JAK1: variants seen among roughly 807,000 people sequenced by gnomAD.
JAK1 encodes the protein Janus kinase 1.
Under a neutral mutation model 136.6 loss-of-function variants are expected in JAK1, and 16 were observed. The observed-to-expected ratio is 0.12, with a 90% CI of 0.08 to 0.18. JAK1 has a LOEUF of 0.18. Ranked by LOEUF, JAK1 falls within the 10% of genes least tolerant of loss-of-function variation. The pLI is 1.00. For missense variants in JAK1, 859 were observed against 1,450.1 expected, an observed-to-expected ratio of 0.59 and a Z score of 6.62; for synonymous variants, 492 against 519.5, an observed-to-expected ratio of 0.95 and a Z score of 0.72.
At chr1:64,879,668 A>G (rs996741501) in intron 3 of JAK1, among the ~76,000 whole-genome samples, 13 of 152,226 alleles carry the variant, frequency 8.5e-5, no homozygotes, top group African/African-American at 2.9e-4. Context: ...AATAATAACC[A>G]AAGTGATTTT....
chr1:64,946,219 C>G (rs1205314213), intron 1 of JAK1, among the ~76,000 whole-genome samples: 2 of 152,252 alleles, frequency 1.3e-5, no homozygotes, highest in African/African-American at 2.4e-5. Context: ...GATCCTCACA[C>G]AGTGGTCGTC....
At position 64,846,748 on chromosome 1, in the gene JAK1, C is replaced by A. The variant is rs763056618; in HGVS notation, c.1900-12G>T. 6.2e-7 allele frequency: 1 copy of A among 1,610,304 alleles called. No homozygotes were observed. ...GCCTCGAAGAAGGCCTGTGGGCGAG[C>A]AGGACATAGGAATGTCTCAGGCCAG... On this transcript the variant is annotated splice_polypyrimidine_tract_variant and intron_variant, in intron 13 of 24. Coordinates refer to ENST00000342505, the MANE Select transcript of JAK1 (RefSeq NM_002227.4).
intron 1 of JAK1, among the ~76,000 whole-genome samples, chr1:64,945,675 AAAC>A (rs147380749): frequency 0.25 from 38,171 of 151,892 alleles, 6,246 homozygotes; most frequent in East Asian, 0.53. Context: ...GTTGACGGAC[AAAC>A]AAAAATGGGA....
chr1:65,056,664 C>T (rs1647554166), intron 1 of JAK1, among the ~76,000 whole-genome samples: 1 of 152,150 alleles, frequency 6.6e-6, no homozygotes, highest in African/African-American at 2.4e-5. Flanking sequence ...GGCTCAATGC[C>T]TGTAATCTCA....
At chr1:65,044,666 G>C (rs1268791793) in intron 1 of JAK1, among the ~76,000 whole-genome samples, 1 of 152,202 alleles carries the variant, frequency 6.6e-6, no homozygotes, top group East Asian at 1.9e-4. Context: ...TGTTGTTTTT[G>C]CTGAGCTGGT....
intron 2 of JAK1, among the ~76,000 whole-genome samples, chr1:64,977,098 A>G (rs1453024684): frequency 6.6e-6 from 1 of 152,138 alleles, no homozygotes; most frequent in Non-Finnish European, 1.5e-5. Context: ...ATAGAAACTT[A>G]TAACATGTAC....
rs576885516 is a variant in JAK1, at chr1:65,008,782, G to A, written c.-78+35698C>T. Among the ~76,000 whole-genome samples, 44 of 152,180 alleles carry A rather than the reference G, an allele frequency of 2.9e-4. 1 individual carries two copies. The East Asian group carries it at 8.5e-3, about 29-fold the overall frequency. ...AGCTCATTGCAGCCTCAACCTGCCT[G>A]GGCTCAAGTAATCCTCCCAACTCAG... On this transcript the variant is annotated intron_variant, in intron 2 of 25. Coordinates refer to the JAK1 transcript ENST00000671954.
intron 9 of JAK1, 86 bp downstream of exon 9, chr1:64,860,019 C>A: frequency 8.4e-7 from 1 of 1,187,794 alleles, no homozygotes; most frequent in Non-Finnish European, 1.1e-6. Context: ...GTCAACTGGC[C>A]TGACCTAAAC....
chr1:64,860,094 C>G lies in JAK1; in HGVS notation c.1334+11G>C, dbSNP rs2101071600. The G allele has an allele frequency of 6.4e-7, 1 of 1,558,384 alleles. No individual in the cohort carries two copies. Among genetic ancestry groups the G allele is most frequent in the South Asian group, 1.2e-5 (1 of 82,638 alleles). Reference sequence around the variant, plus strand: ...CACACCAAAGGCAACTGATAAGGTTCTAGGACCAACCAGATTGGACCATGA... The same window carrying G: ...CACACCAAAGGCAACTGATAAGGTTGTAGGACCAACCAGATTGGACCATGA... On this transcript the variant is annotated intron_variant, in intron 9 of 24. Coordinates refer to ENST00000342505, the MANE Select transcript of JAK1 (RefSeq NM_002227.4).
chr1:64,835,374 C>T (rs773416298), intron 24 of JAK1, 22 bp downstream of exon 24: 3 of 1,284,880 alleles, frequency 2.3e-6, no homozygotes, highest in East Asian at 4.7e-5. Flanking sequence ...AGTGTTATTA[C>T]TGTGACGTGG....
chr1:64,926,415 C>A (rs1041954025), intron 1 of JAK1, among the ~76,000 whole-genome samples: 2 of 143,838 alleles, frequency 1.4e-5, no homozygotes, highest in Admixed American at 7.0e-5. Context: ...AACAAACTGA[C>A]CCACTTCAGA....
rs3915922 is a variant in JAK1, at chr1:64,902,879, G to C, written c.-77-16538C>G. ...CAATTGCCAGCTTCCTTTGCGGCAA[G>C]ATATGACCATGTGAGTAAGTTTGGC... On this transcript the variant is annotated intron_variant, in intron 1 of 24. Coordinates refer to ENST00000342505, the MANE Select transcript of JAK1 (RefSeq NM_002227.4). 3.3e-5 allele frequency among the ~76,000 whole-genome samples: 5 copies of C among 152,064 alleles called. No homozygotes were observed. In the South Asian group the frequency reaches 1.0e-3, roughly 32 times the overall value.
chr1:65,054,888 G>A (rs910021029), intron 1 of JAK1, among the ~76,000 whole-genome samples: 1 of 152,156 alleles, frequency 6.6e-6, no homozygotes, highest in Non-Finnish European at 1.5e-5. Context: ...TAAAGACATG[G>A]CAATTACATT....
intron 1 of JAK1, among the ~76,000 whole-genome samples, chr1:65,050,964 G>A (rs967399456): frequency 3.9e-5 from 6 of 152,170 alleles, no homozygotes; most frequent in Middle Eastern, 3.2e-3. Flanking sequence ...TGAAATGAGT[G>A]CTTTGGTACA....
intron 1 of JAK1, among the ~76,000 whole-genome samples, chr1:64,889,692 T>G (rs765934045): frequency 6.6e-6 from 1 of 152,194 alleles, no homozygotes; most frequent in African/African-American, 2.4e-5. Context: ...TTTTCCAAGA[T>G]GCAAAATTCC....
In JAK1 at chr1:64,841,252, A is replaced by G; in HGVS notation, c.2642T>C (p.Leu881Ser). ...EKRFLKRIRD[L>S]GEGHFGKVEL... The stretch of plus-strand genomic sequence containing the variant: ...AGCACGGGTGTAACTTACCTCTCCC[A>G]AGTCACGGATCCTCTTTAGGAAGCG... The change falls in exon 19 of 25, where the codon TTG becomes TCG. Residue 881 changes from leucine (L) to serine (S), a missense_variant. Around this residue, in one of 4 missense-constraint regions of JAK1, gnomAD observed 409 missense variants for 753.8 expected, o/e 0.54. Coordinates refer to ENST00000342505, the MANE Select transcript of JAK1 (RefSeq NM_002227.4). 2 of 1,613,336 alleles carry G rather than the reference A, an allele frequency of 1.2e-6. No homozygotes were observed. Among genetic ancestry groups the G allele is most frequent in the Non-Finnish European group, 1.7e-6 (2 of 1,179,264 alleles).
intron 6 of JAK1, among the ~76,000 whole-genome samples, chr1:64,868,613 G>T (rs185153262): frequency 6.6e-6 from 1 of 152,110 alleles, no homozygotes; most frequent in Non-Finnish European, 1.5e-5. Flanking sequence ...CTGGTCAAGC[G>T]CAAGGAGAAA....
rs375514898 is a variant in JAK1, at chr1:64,994,786, A to G, written c.-78+49694T>C. 5.3e-5 allele frequency among the ~76,000 whole-genome samples: 8 copies of G among 152,152 alleles called. No individual in the cohort carries two copies. The East Asian group carries it at 1.5e-3, about 29-fold the overall frequency. ...ACTGGATTTGTCATTAAAAGATTGA[A>G]GTTCTAGCCTTGGTTCTCATATGGG... is the stretch of plus-strand genomic sequence containing the variant. On this transcript the variant is annotated intron_variant, in intron 2 of 25. Transcript: ENST00000671954.
intron 1 of JAK1, among the ~76,000 whole-genome samples, chr1:65,053,761 C>T (rs1647399531): frequency 6.6e-6 from 1 of 152,178 alleles, no homozygotes; most frequent in Non-Finnish European, 1.5e-5. Flanking sequence ...GCTGAGGCTA[C>T]AATGAGCCGT....
Sources: gnomAD v4.1 joint callset for allele counts (sites outside exome capture counted in the v4.1 genomes callset) on GRCh38, gnomAD v4.1.1 for gene constraint, gnomAD v4.1.1 regional missense constraint, MANE v1.5 for transcripts, NCBI Gene and HGNC (gene_info 2026-07-23, HGNC 2026-07-21) for gene names.